CDH13: variants seen among roughly 807,000 people sequenced by gnomAD.
The protein encoded by CDH13 is cadherin 13, also known as cadherin-13.
A neutral mutation model predicts 63.8 loss-of-function variants in CDH13; 24 were observed. The ratio of observed to expected loss-of-function variants is 0.38; its 90% confidence interval spans 0.27 to 0.53. The LOEUF (loss-of-function observed/expected upper bound fraction) is 0.53. Among genes scored for constraint, CDH13 ranks in the 20% least tolerant of loss-of-function variants. The pLI is 0.85. For synonymous variants in CDH13, 503 were observed against 355.3 expected, an observed-to-expected ratio of 1.42 and a Z score of -4.67; for missense variants, 1,049 against 903.1, an observed-to-expected ratio of 1.16 and a Z score of -2.07.
At chr16:83,538,462 A>C (rs2075236867) in intron 7 of CDH13, among the ~76,000 whole-genome samples, 1 of 152,222 alleles carries the variant, frequency 6.6e-6, no homozygotes, top group African/African-American at 2.4e-5. Context: ...AATTGAAATG[A>C]CTTTTATGAG....
intron 3 of CDH13, among the ~76,000 whole-genome samples, chr16:83,046,246 G>T (rs1327262339): frequency 6.6e-6 from 1 of 152,162 alleles, no homozygotes; most frequent in Non-Finnish European, 1.5e-5. Flanking sequence ...CCATAGCAGT[G>T]GCAGATATTG....
At chr16:83,034,027 A>G (rs187741003) in intron 3 of CDH13, among the ~76,000 whole-genome samples, 76 of 152,252 alleles carry the variant, frequency 5.0e-4, no homozygotes, top group Non-Finnish European at 9.4e-4. Flanking sequence ...CAGAGACAGT[A>G]CAACTGGCAA....
At chr16:82,630,715 T>C (rs373938780) in intron 1 of CDH13, among the ~76,000 whole-genome samples, 1 of 152,210 alleles carries the variant, frequency 6.6e-6, no homozygotes, top group Non-Finnish European at 1.5e-5. Flanking sequence ...ATACAATTGC[T>C]TGGGGAGTCT....
chr16:83,071,124 C>T (rs1478017216), intron 3 of CDH13, among the ~76,000 whole-genome samples: 1 of 152,062 alleles, frequency 6.6e-6, no homozygotes, highest in Non-Finnish European at 1.5e-5. Context: ...TGTATAGCCT[C>T]ATTTAATTGC....
intron 1 of CDH13, among the ~76,000 whole-genome samples, chr16:82,696,534 T>TA (rs904626619): frequency 6.6e-5 from 10 of 151,892 alleles, no homozygotes; most frequent in Non-Finnish European, 1.0e-4. Context: ...AGCAAATATG[T>TA]AAAAAAAAGT....
chr16:83,230,039 A>C (rs2039958372), intron 5 of CDH13, among the ~76,000 whole-genome samples: 2 of 152,230 alleles, frequency 1.3e-5, no homozygotes, highest in African/African-American at 4.8e-5. Context: ...TCAATGGATC[A>C]TTAATAGTTG....
rs188853342 is a variant in CDH13, at chr16:82,993,307, C to G, written c.158-38703C>G. Among the ~76,000 whole-genome samples the G allele has an allele frequency of 1.2e-4, 19 of 152,088 alleles. No homozygotes were observed. In the East Asian group the frequency reaches 2.9e-3, roughly 23 times the overall value. On this transcript the variant is annotated intron_variant, in intron 2 of 13. Coordinates refer to ENST00000567109, the MANE Select transcript of CDH13 (RefSeq NM_001257.5). ...CATTGGTGCTGCCTATACTGTTGTT[C>G]TTGATTTCAGAGAACGTTCTACATC... is the stretch of plus-strand genomic sequence containing the variant.
At chr16:82,753,076 A>G (rs1416624138) in intron 1 of CDH13, among the ~76,000 whole-genome samples, 2 of 152,224 alleles carry the variant, frequency 1.3e-5, no homozygotes, top group African/African-American at 2.4e-5. Flanking sequence ...TAACTGGCTT[A>G]GAAAAATCCT....
intron 3 of CDH13, among the ~76,000 whole-genome samples, chr16:83,120,335 T>C (rs7197878): frequency 0.42 from 64,504 of 152,014 alleles, 14,137 homozygotes; most frequent in East Asian, 0.59. Context: ...GGGGATGGGA[T>C]TCAGGGAGCT....
chr16:83,270,626 G>A (rs566612886), intron 5 of CDH13, among the ~76,000 whole-genome samples: 1 of 152,254 alleles, frequency 6.6e-6, no homozygotes, highest in East Asian at 1.9e-4. Context: ...ATGTGTGCAT[G>A]AAGGCCCTCA....
At position 83,783,451 on chromosome 16, in the gene CDH13, C is replaced by G. The variant is rs745866308; in HGVS notation, c.2113C>G (p.Leu705Val). The change falls in exon 13 of 14, where the codon CTC becomes GTC. Residue 705 changes from leucine (L) to valine (V), a missense_variant. Transcript: ENST00000567109. ...CTTCAGCCTGCCCTCAGTCCTGCTC[C>G]TCAGCCTCTTCAGCTTAGCTTGTAA... ...LRFSLPSVLLLSLFSLACL is the reference protein window; with the variant it reads ...LRFSLPSVLLVSLFSLACL 4 of 1,613,860 alleles carry G rather than the reference C, an allele frequency of 2.5e-6. No homozygotes were observed. The highest frequency in any genetic ancestry group is 3.4e-6 in the Non-Finnish European group (4 of 1,179,850).
chr16:83,037,578 CA>C (rs1304923729), intron 3 of CDH13, among the ~76,000 whole-genome samples: 1 of 152,144 alleles, frequency 6.6e-6, no homozygotes, highest in African/African-American at 2.4e-5. Flanking sequence ...TTGGACCAGT[CA>C]GGAAAGAAAT....
At chr16:83,353,215 T>A (rs1447391339) in intron 6 of CDH13, among the ~76,000 whole-genome samples, 1 of 152,250 alleles carries the variant, frequency 6.6e-6, no homozygotes, top group Non-Finnish European at 1.5e-5. Context: ...TACTGTTAAA[T>A]CTATACAAAT....
chr16:83,021,077 A>G (rs1312038148), intron 2 of CDH13, among the ~76,000 whole-genome samples: 1 of 152,162 alleles, frequency 6.6e-6, no homozygotes, highest in Non-Finnish European at 1.5e-5. Context: ...CCAAGAAGGG[A>G]TCTCTGTAAA....
At chr16:82,667,570 G>A (rs1912741985) in intron 1 of CDH13, among the ~76,000 whole-genome samples, 2 of 144,280 alleles carry the variant, frequency 1.4e-5, no homozygotes, top group African/African-American at 2.9e-5. Flanking sequence ...CCCTTGGCAA[G>A]GGCGGAGAGG....
chr16:82,764,918 G>A (rs1435018620), intron 1 of CDH13, among the ~76,000 whole-genome samples: 3 of 151,334 alleles, frequency 2.0e-5, no homozygotes, highest in Non-Finnish European at 4.4e-5. Flanking sequence ...AGGTTCAAGC[G>A]ATTCTCCTGC....
Position 83,748,013 on chromosome 16 carries a change from C to T in CDH13, c.1539-95C>T, listed in dbSNP as rs1233778904. 3.8e-6 allele frequency: 5 copies of T among 1,328,604 alleles called. No homozygotes were observed. The African/African-American group carries it at 7.2e-5, about 19-fold the overall frequency. The allele number at this position is 1,328,604 out of a possible 1,614,324, so 82.3% of individuals were successfully genotyped here. A position where few individuals can be genotyped will look rare whatever the true frequency, so the allele number is the denominator to read the frequency against. On this transcript the variant is annotated intron_variant, in intron 10 of 13. Coordinates refer to ENST00000567109, the MANE Select transcript of CDH13 (RefSeq NM_001257.5). ...TTTTGGATTTTTGTTACCTAGGATCCAGCACCTAGCCTAGGAGCTCATGCC... is the reference window on the plus strand; with the variant it reads ...TTTTGGATTTTTGTTACCTAGGATCTAGCACCTAGCCTAGGAGCTCATGCC...
chr16:82,701,378 A>G (rs1427813890), intron 1 of CDH13, among the ~76,000 whole-genome samples: 1 of 152,102 alleles, frequency 6.6e-6, no homozygotes. Flanking sequence ...TAAGACTTTT[A>G]ACATTTCTGT....
At chr16:82,994,623 C>T (rs761618196) in intron 2 of CDH13, among the ~76,000 whole-genome samples, 2 of 152,196 alleles carry the variant, frequency 1.3e-5, no homozygotes, top group Non-Finnish European at 2.9e-5. Context: ...CTTATTTTCC[C>T]TCTTTTTAAA....
Sources: gnomAD v4.1 joint callset for allele counts (sites outside exome capture counted in the v4.1 genomes callset) on GRCh38, gnomAD v4.1.1 for gene constraint, MANE v1.5 for transcripts, NCBI Gene and HGNC (gene_info 2026-07-23, HGNC 2026-07-21) for gene names.